MCTP1: variants seen among roughly 807,000 people sequenced by gnomAD.
MCTP1 encodes multiple C2 and transmembrane domain-containing protein 1.
MCTP1 carries 69 observed loss-of-function variants against 120.6 expected under a neutral mutation model. That is an observed-to-expected ratio of 0.57 (90% CI 0.47 to 0.70). MCTP1 has a LOEUF of 0.70. MCTP1 is among the 30% of genes least tolerant of loss of function. MCTP1 has a pLI of 0.00. For missense variants in MCTP1, 1,203 were observed against 1,248.8 expected (o/e 0.96, Z 0.55); for synonymous variants, 529 against 493.1 (o/e 1.07, Z -0.96).
At chr5:94,980,909 T>A (rs1829254071) in intron 2 of MCTP1, 1 of 152,094 alleles carries the variant, frequency 6.6e-6, no homozygotes, top group Non-Finnish European at 1.5e-5. Flanking sequence ...TTCCATATAG[T>A]CAATGGTTAT....
chr5:94,776,183 T>C (rs1451324660), intron 19 of MCTP1, among the ~76,000 whole-genome samples: 1 of 152,044 alleles, frequency 6.6e-6, no homozygotes, highest in South Asian at 2.1e-4. Context: ...TGTATATAAT[T>C]ATGCAGAGGG....
At chr5:95,086,998 C>G (rs922408323) in intron 1 of MCTP1, among the ~76,000 whole-genome samples, 4 of 152,180 alleles carry the variant, frequency 2.6e-5, no homozygotes, top group African/African-American at 9.6e-5. Context: ...AAGGTTATAT[C>G]TGTAGCTCTA....
intron 1 of MCTP1, among the ~76,000 whole-genome samples, chr5:95,185,971 TAGAG>T (rs904431770): frequency 2.6e-5 from 4 of 151,788 alleles, no homozygotes; most frequent in East Asian, 3.9e-4. Flanking sequence ...GCCTGGGCAA[TAGAG>T]AGAGACTCCA....
chr5:94,752,324 A>T (rs1259225713), intron 19 of MCTP1, among the ~76,000 whole-genome samples: 1 of 151,580 alleles, frequency 6.6e-6, no homozygotes, highest in Non-Finnish European at 1.5e-5. Context: ...GGGAAATACT[A>T]GTTGTTCAAC....
At position 94,807,676 on chromosome 5, in the gene MCTP1, GAT is replaced by G. The variant is rs1260140245; in HGVS notation, c.2437-8546_2437-8545del. On this transcript the variant is annotated intron_variant, in intron 17 of 22. Coordinates refer to ENST00000515393, the MANE Select transcript of MCTP1 (RefSeq NM_024717.7). ...TAGGGCACATTTGGAAATATGCAGG[GAT>G]GTTTTTAGTTGTCACAATGACTAGG... 4.0e-5 allele frequency among the ~76,000 whole-genome samples: 6 copies of G among 151,660 alleles called. No individual in the cohort carries two copies. The East Asian group carries it at 1.2e-3, about 30-fold the overall frequency.
intron 2 of MCTP1, among the ~76,000 whole-genome samples, chr5:95,002,087 C>T (rs190111527): frequency 6.6e-6 from 1 of 152,286 alleles, no homozygotes; most frequent in Non-Finnish European, 1.5e-5. Flanking sequence ...GTGCAAGTCC[C>T]AAGCTTCCAT....
At chr5:95,195,807 G>C (rs1750323666) in intron 1 of MCTP1, among the ~76,000 whole-genome samples, 1 of 152,152 alleles carries the variant, frequency 6.6e-6, no homozygotes, top group Non-Finnish European at 1.5e-5. Flanking sequence ...TATTTTATAT[G>C]TATAGAAGTA....
chr5:95,220,849 T>C (rs1343445009), intron 1 of MCTP1, among the ~76,000 whole-genome samples: 1 of 152,186 alleles, frequency 6.6e-6, no homozygotes, highest in Non-Finnish European at 1.5e-5. Context: ...TAAAGTGACA[T>C]GTAAATAAAG....
At chr5:95,245,206 A>G (rs1756620904) in intron 1 of MCTP1, among the ~76,000 whole-genome samples, 1 of 152,216 alleles carries the variant, frequency 6.6e-6, no homozygotes, top group South Asian at 2.1e-4. Flanking sequence ...AGATAAAACC[A>G]CAAAGATGGA....
At chr5:95,171,829 T>G (rs1747338802) in intron 1 of MCTP1, among the ~76,000 whole-genome samples, 1 of 150,902 alleles carries the variant, frequency 6.6e-6, no homozygotes, top group African/African-American at 2.4e-5. Flanking sequence ...TTTTCAAGGT[T>G]TTTAGCTTCT....
chr5:95,203,653 G>T (rs1751313345), intron 1 of MCTP1, among the ~76,000 whole-genome samples: 1 of 152,178 alleles, frequency 6.6e-6, no homozygotes, highest in Admixed American at 6.5e-5. Context: ...TCATAAGTTA[G>T]TAAGTACATG....
At chr5:95,201,172 T>A (rs1214849857) in intron 1 of MCTP1, among the ~76,000 whole-genome samples, 1 of 152,212 alleles carries the variant, frequency 6.6e-6, no homozygotes, top group Non-Finnish European at 1.5e-5. Flanking sequence ...GACAGAATGC[T>A]GCACTCTTCT....
intron 1 of MCTP1, among the ~76,000 whole-genome samples, chr5:95,050,692 T>G (rs1745664472): frequency 6.6e-6 from 1 of 152,244 alleles, no homozygotes; most frequent in Non-Finnish European, 1.5e-5. Context: ...TTTGACCTTC[T>G]GGCCTAAGAC....
intron 1 of MCTP1, among the ~76,000 whole-genome samples, chr5:95,238,192 A>G (rs1755764549): frequency 6.6e-6 from 1 of 152,154 alleles, no homozygotes. Context: ...GGCAGTTCTT[A>G]GGCCAGCCTC....
intron 6 of MCTP1, among the ~76,000 whole-genome samples, chr5:94,925,728 G>T (rs2153468703): frequency 6.6e-6 from 1 of 152,178 alleles, no homozygotes; most frequent in East Asian, 1.9e-4. Flanking sequence ...TTTTAAAATT[G>T]CTAAAAGTAT....
At chr5:94,921,769 T>C (rs898196422) in intron 7 of MCTP1, among the ~76,000 whole-genome samples, 1 of 152,308 alleles carries the variant, frequency 6.6e-6, no homozygotes, top group East Asian at 1.9e-4. Flanking sequence ...ATCTCATGGC[T>C]CTTAAACACA....
At chr5:95,169,226 T>C (rs1309052521) in intron 1 of MCTP1, among the ~76,000 whole-genome samples, 1 of 152,248 alleles carries the variant, frequency 6.6e-6, no homozygotes, top group Non-Finnish European at 1.5e-5. Context: ...TGAACCAGCC[T>C]TGCAACCCAC....
intron 1 of MCTP1, among the ~76,000 whole-genome samples, chr5:95,246,717 A>C (rs936854713): frequency 1.3e-5 from 2 of 152,190 alleles, no homozygotes; most frequent in Admixed American, 6.5e-5. Context: ...ATAATGGCAG[A>C]CTTTAACACC....
At chr5:94,767,272 G>T (rs572229859) in intron 19 of MCTP1, among the ~76,000 whole-genome samples, 1 of 152,064 alleles carries the variant, frequency 6.6e-6, no homozygotes, top group African/African-American at 2.4e-5. Context: ...ATATCTCAAC[G>T]TAATAAAGGC....
Sources: gnomAD v4.1 joint callset for allele counts (sites outside exome capture counted in the v4.1 genomes callset) on GRCh38, gnomAD v4.1.1 for gene constraint, MANE v1.5 for transcripts, NCBI Gene and HGNC (gene_info 2026-07-23, HGNC 2026-07-21) for gene names.